APBA1: variants seen among roughly 807,000 people sequenced by gnomAD.
APBA1 encodes amyloid beta precursor protein binding family A member 1, also known as amyloid-beta A4 precursor protein-binding family A member 1.
In APBA1, 55 loss-of-function variants were observed where a neutral mutation model predicts 86.6. The observed-to-expected ratio is 0.64, with a 90% confidence interval of 0.51 to 0.80. The LOEUF (loss-of-function observed/expected upper bound fraction) is 0.80. Among genes scored for constraint, APBA1 ranks in the 30% least tolerant of loss-of-function variants. APBA1 has a pLI of 0.00. For synonymous variants in APBA1, 511 were observed against 493.9 expected, an observed-to-expected ratio of 1.03 and a Z score of -0.46; for missense variants, 1,090 against 1,183.0, an observed-to-expected ratio of 0.92 and a Z score of 1.15.
intron 1 of APBA1, among the ~76,000 whole-genome samples, chr9:69,564,578 CA>C (rs1253947162): frequency 2.0e-5 from 3 of 152,148 alleles, no homozygotes; most frequent in African/African-American, 7.2e-5. Context: ...CTACCCAATA[CA>C]TGCTCAGAAG....
chr9:69,434,207 G>C (rs891928291), intron 11 of APBA1, among the ~76,000 whole-genome samples: 2 of 152,212 alleles, frequency 1.3e-5, no homozygotes, highest in African/African-American at 4.8e-5. Context: ...TGCAGCCAGG[G>C]TGGACAGTCC....
intron 2 of APBA1, among the ~76,000 whole-genome samples, chr9:69,502,610 A>G (rs1835896734): frequency 6.6e-6 from 1 of 152,086 alleles, no homozygotes; most frequent in African/African-American, 2.4e-5. Context: ...CTCCTAGAGC[A>G]TTATTCTCCA....
chr9:69,455,748 C>A (rs1266755294), intron 8 of APBA1, among the ~76,000 whole-genome samples: 1 of 152,126 alleles, frequency 6.6e-6, no homozygotes, highest in African/African-American at 2.4e-5. Flanking sequence ...GCTCAAACCC[C>A]TACAGGAGGT....
chr9:69,665,250 G>T (rs895570276), intron 1 of APBA1, among the ~76,000 whole-genome samples: 1 of 152,152 alleles, frequency 6.6e-6, no homozygotes, highest in Non-Finnish European at 1.5e-5. Flanking sequence ...GCTGCCCACC[G>T]TGGTAACCTG....
chr9:69,567,820 C>T (rs1245814613), intron 1 of APBA1, among the ~76,000 whole-genome samples: 2 of 152,136 alleles, frequency 1.3e-5, no homozygotes, highest in African/African-American at 4.8e-5. Flanking sequence ...CCCCTCCCCT[C>T]AGCACCCACC....
intron 1 of APBA1, among the ~76,000 whole-genome samples, chr9:69,523,703 A>T (rs1836300395): frequency 6.6e-6 from 1 of 151,694 alleles, no homozygotes; most frequent in Non-Finnish European, 1.5e-5. Flanking sequence ...CTGGACTTAA[A>T]TTCTACATTT....
intron 2 of APBA1, among the ~76,000 whole-genome samples, chr9:69,514,602 C>T (rs1564061853): frequency 6.7e-6 from 1 of 148,914 alleles, no homozygotes; most frequent in Non-Finnish European, 1.5e-5. Context: ...AAAACCAAAC[C>T]AAAACAAAAA....
chr9:69,511,180 A>T (rs1281879371), intron 2 of APBA1, among the ~76,000 whole-genome samples: 6 of 152,174 alleles, frequency 3.9e-5, no homozygotes, highest in Admixed American at 3.9e-4. Flanking sequence ...TCATCTGACA[A>T]AGGGCTAATA....
At chr9:69,526,664 T>G (rs1836347035) in intron 1 of APBA1, among the ~76,000 whole-genome samples, 1 of 151,998 alleles carries the variant, frequency 6.6e-6, no homozygotes, top group South Asian at 2.1e-4. Flanking sequence ...AGTTTGGAGA[T>G]TTCTCAGAGA....
chr9:69,658,342 C>CTT lies in APBA1; in HGVS notation c.-70+13809_-70+13810dup, dbSNP rs761329598. Among the ~76,000 whole-genome samples, 592 of 139,310 alleles carry CTT rather than the reference C, an allele frequency of 4.2e-3. 11 individuals are homozygous for CTT. The highest frequency in any genetic ancestry group is 6.4e-3 in the Admixed American group (88 of 13,756). The allele number at this position is 139,310 out of a possible 152,430, so 91.4% of individuals were successfully genotyped here. Reference sequence around the variant, plus strand: ...TCTTTCTTTCTTTCTTTCTTTCTTTCTTTCTTTCTTTCTTTCTGTGTTTCT... The same window carrying CTT: ...TCTTTCTTTCTTTCTTTCTTTCTTTCTTTTTCTTTCTTTCTTTCTGTGTTTCT... On this transcript the variant is annotated intron_variant, in intron 1 of 12. Coordinates refer to ENST00000265381, the MANE Select transcript of APBA1 (RefSeq NM_001163.4).
At chr9:69,629,456 A>G (rs1445796072) in intron 1 of APBA1, among the ~76,000 whole-genome samples, 1 of 152,228 alleles carries the variant, frequency 6.6e-6, no homozygotes, top group Non-Finnish European at 1.5e-5. Flanking sequence ...TGAAGTAAAA[A>G]CAGGCATAAT....
At chr9:69,592,735 G>A (rs1019002951) in intron 1 of APBA1, among the ~76,000 whole-genome samples, 8 of 151,942 alleles carry the variant, frequency 5.3e-5, no homozygotes, top group Non-Finnish European at 8.8e-5. Context: ...CCCTTCCACC[G>A]TGATTGTAAG....
rs202126525 is a variant in APBA1 at position 69,430,959 on chromosome 9, G to A, written c.*368C>T. 2.6e-5 allele frequency: 5 copies of A among 191,202 alleles called. No individual in the cohort carries two copies. In the East Asian group the frequency reaches 5.8e-4, roughly 22 times the overall value. The allele number at this position is 191,202 out of a possible 1,614,324, so 11.8% of individuals were successfully genotyped here. A position where few individuals can be genotyped will look rare whatever the true frequency, so the allele number is the denominator to read the frequency against. On this transcript the variant is annotated 3_prime_UTR_variant, in exon 13 of 13. Transcript: ENST00000265381. ...GCACTGCTGAATCAGCTGCTTTGCT[G>A]CCCCGCGAGCTCCTTTTAAGAAGTC... is the stretch of plus-strand genomic sequence containing the variant.
chr9:69,587,940 C>G (rs1282054364), intron 1 of APBA1, among the ~76,000 whole-genome samples: 1 of 148,058 alleles, frequency 6.8e-6, no homozygotes, highest in South Asian at 2.2e-4. Flanking sequence ...GCAGGAGAAT[C>G]GTTTGAACCC....
chr9:69,630,712 G>A (rs768911768), intron 1 of APBA1, among the ~76,000 whole-genome samples: 8 of 152,116 alleles, frequency 5.3e-5, no homozygotes, highest in Non-Finnish European at 1.2e-4. Context: ...CTCTCTCCAT[G>A]ACAATACCAC....
intron 3 of APBA1, among the ~76,000 whole-genome samples, chr9:69,475,569 A>G (rs927597453): frequency 2.0e-5 from 3 of 152,228 alleles, no homozygotes; most frequent in Non-Finnish European, 4.4e-5. Flanking sequence ...TGGCCACTCT[A>G]TTCTTACGAA....
chr9:69,658,296 C>CTTTCTTTCTTTCTT (rs1419845095), intron 1 of APBA1, among the ~76,000 whole-genome samples: 1 of 37,832 alleles, frequency 2.6e-5, no homozygotes, highest in Non-Finnish European at 5.4e-5. Context: ...CTCTCTCTTT[C>CTTTCTTTCTTTCTT]TCTCTCTCTC....
chr9:69,664,487 A>G (rs1823809013), intron 1 of APBA1, among the ~76,000 whole-genome samples: 1 of 152,258 alleles, frequency 6.6e-6, no homozygotes, highest in Non-Finnish European at 1.5e-5. Flanking sequence ...AGAAATGAAC[A>G]TGACAAAAGT....
intron 11 of APBA1, among the ~76,000 whole-genome samples, chr9:69,436,540 AATTGTGAAT>A (rs1183219740): frequency 2.0e-5 from 3 of 146,568 alleles, no homozygotes; most frequent in African/African-American, 7.7e-5. Flanking sequence ...TCTTTGAAGC[AATTGTGAAT>A]GGGAGTTCAC....
Sources: gnomAD v4.1 joint callset for allele counts (sites outside exome capture counted in the v4.1 genomes callset) on GRCh38, gnomAD v4.1.1 for gene constraint, MANE v1.5 for transcripts, NCBI Gene and HGNC (gene_info 2026-07-23, HGNC 2026-07-21) for gene names.